The following OR1L8 variants were observed in gnomAD, a reference collection of about 807,000 sequenced individuals.
The protein encoded by OR1L8 is olfactory receptor family 1 subfamily L member 8.
For synonymous variants in OR1L8, 148 were observed against 147.0 expected (o/e 1.01, Z -0.05); for missense variants, 330 against 377.4 (o/e 0.87, Z 1.04).
the OR1L8 span, among the ~76,000 whole-genome samples, chr9:122,549,676 A>G: frequency 6.6e-6 from 1 of 152,120 alleles, no homozygotes; most frequent in Non-Finnish European, 1.5e-5. Flanking sequence ...GGCTGTAAGT[A>G]TGTGGCTTTA....
chr9:122,567,288 A>C lies in OR1L8; in HGVS notation c.*260T>G. On this transcript the variant is annotated 3_prime_UTR_variant, in exon 5 of 5. Transcript: ENST00000641027. ...ATTCATGGGGAAAGGATTAGATTAA[A>C]GCAGTTTTTGGAAAATGAGAAAGTG... 2.9e-6 allele frequency: 1 copy of C among 348,106 alleles called. No individual in the cohort carries two copies. The highest frequency in any genetic ancestry group is 5.2e-6 in the Non-Finnish European group (1 of 193,042). 21.6% of individuals were successfully genotyped at this position (348,106 alleles called of 1,614,324 possible).
At chr9:122,569,058 A>G (rs58758026) in intron 4 of OR1L8, among the ~76,000 whole-genome samples, 2,714 of 152,162 alleles carry the variant, frequency 0.018, 73 homozygotes, top group African/African-American at 0.061. Context: ...ATTGTCTTGA[A>G]AAAAACTAAT....
At chr9:122,552,387 TA>T in the OR1L8 span, among the ~76,000 whole-genome samples, 8 of 152,216 alleles carry the variant, frequency 5.3e-5, no homozygotes, top group African/African-American at 1.9e-4. Flanking sequence ...TAGATAAATG[TA>T]GTACAAATGT....
At chr9:122,550,585 A>C in the OR1L8 span, among the ~76,000 whole-genome samples, 1 of 152,158 alleles carries the variant, frequency 6.6e-6, no homozygotes, top group African/African-American at 2.4e-5. Context: ...GAATACAAGG[A>C]TAGTGAAATA....
At chr9:122,548,680 G>C in the OR1L8 span, among the ~76,000 whole-genome samples, 2 of 150,908 alleles carry the variant, frequency 1.3e-5, no homozygotes, top group Non-Finnish European at 3.0e-5. Context: ...TCCCATGTTG[G>C]TGTGCTGCAC....
intron 4 of OR1L8, among the ~76,000 whole-genome samples, chr9:122,569,552 A>T (rs962725866): frequency 5.3e-5 from 4 of 75,600 alleles, no homozygotes; most frequent in African/African-American, 2.1e-4. Flanking sequence ...GGCATATTAC[A>T]TAGAGATTTT....
chr9:122,582,615 G>A lies in OR1L8; in HGVS notation c.-600+706C>T, dbSNP rs114163136. 5.6e-3 allele frequency among the ~76,000 whole-genome samples: 850 copies of A among 152,164 alleles called. 18 individuals are homozygous for A. Among genetic ancestry groups the A allele is most frequent in the African/African-American group, 0.02 (829 of 41,502 alleles). ...CACACCTGTAGTCCCAGCTATGCAG[G>A]AGGCTGACATGGAAGGATCACTTGA... On this transcript the variant is annotated intron_variant, in intron 1 of 4. Transcript: ENST00000641027.
chr9:122,561,264 C>T, the OR1L8 span, among the ~76,000 whole-genome samples: 15 of 152,248 alleles, frequency 9.9e-5, no homozygotes, highest in Non-Finnish European at 1.9e-4. Context: ...TCCTTAGCTT[C>T]TTTGCATTGG....
At chr9:122,579,716 C>T (rs1829715118) in intron 1 of OR1L8, among the ~76,000 whole-genome samples, 1 of 152,116 alleles carries the variant, frequency 6.6e-6, no homozygotes, top group South Asian at 2.1e-4. Context: ...ATTAAGTCTA[C>T]ATTTTATTAT....
At chr9:122,561,531 G>A in the OR1L8 span, among the ~76,000 whole-genome samples, 2 of 152,046 alleles carry the variant, frequency 1.3e-5, no homozygotes, top group Non-Finnish European at 2.9e-5. Context: ...TTGTGGGGAC[G>A]TTTTTTGTTC....
At chr9:122,556,989 G>C in the OR1L8 span, among the ~76,000 whole-genome samples, 1 of 152,018 alleles carries the variant, frequency 6.6e-6, no homozygotes. Flanking sequence ...ACAAATTGGG[G>C]GCTGCTAGTG....
intron 3 of OR1L8, among the ~76,000 whole-genome samples, chr9:122,573,193 T>A (rs115416540): frequency 1.3e-5 from 2 of 152,102 alleles, no homozygotes; most frequent in Non-Finnish European, 2.9e-5. Flanking sequence ...CTCAGGGGAG[T>A]TTGTCCTGTG....
the OR1L8 span, among the ~76,000 whole-genome samples, chr9:122,552,462 A>C: frequency 2.0e-5 from 3 of 152,150 alleles, no homozygotes; most frequent in African/African-American, 7.2e-5. Context: ...GCATAGCAGC[A>C]AAAAAGGGAA....
At chr9:122,580,360 A>G (rs570220277) in intron 1 of OR1L8, among the ~76,000 whole-genome samples, 6 of 152,368 alleles carry the variant, frequency 3.9e-5, no homozygotes, top group Admixed American at 1.3e-4. Context: ...AGGATGGCAC[A>G]CTAGAATGCG....
chr9:122,558,249 T>C, the OR1L8 span, among the ~76,000 whole-genome samples: 1 of 151,090 alleles, frequency 6.6e-6, no homozygotes, highest in South Asian at 2.1e-4. Flanking sequence ...TGTTTTTTTC[T>C]TGTGCTTACT....
At chr9:122,565,200 G>A (rs540398153), downstream of OR1L8, among the ~76,000 whole-genome samples, 5 of 152,288 alleles carry the variant, frequency 3.3e-5, no homozygotes, top group South Asian at 6.2e-4. Context: ...GGTGATCAGG[G>A]ATTTGGAAGC....
the OR1L8 span, chr9:122,552,991 G>T: frequency 1.7e-6 from 1 of 583,530 alleles, no homozygotes; most frequent in Non-Finnish European, 3.0e-6. Context: ...ATTGAGATTT[G>T]AATGGATATT....
At chr9:122,571,078 A>G (rs1417395987) in intron 4 of OR1L8, among the ~76,000 whole-genome samples, 1 of 152,208 alleles carries the variant, frequency 6.6e-6, no homozygotes, top group Non-Finnish European at 1.5e-5. Context: ...TCACTCTGAT[A>G]AATTTCTACA....
chr9:122,569,534 T>C (rs1829501366), intron 4 of OR1L8, among the ~76,000 whole-genome samples: 1 of 152,232 alleles, frequency 6.6e-6, no homozygotes, highest in Non-Finnish European at 1.5e-5. Flanking sequence ...ATTCATACCT[T>C]GTGAATAGGC....
Sources: allele counts gnomAD v4.1 joint callset (sites outside exome capture counted in the v4.1 genomes callset), GRCh38; gene constraint gnomAD v4.1.1; transcripts MANE v1.5; gene names NCBI Gene and HGNC (gene_info 2026-07-23, HGNC 2026-07-21).